The following CUX2 variants were observed in gnomAD, a reference collection of about 807,000 sequenced individuals.
CUX2 encodes cut like homeobox 2.
In CUX2, 40 loss-of-function variants were observed where a neutral mutation model predicts 144.8. The observed-to-expected ratio is 0.28, with a 90% confidence interval of 0.21 to 0.36. CUX2 has a LOEUF of 0.36. Among genes scored for constraint, CUX2 ranks in the 10% least tolerant of loss-of-function variants. The probability of loss-of-function intolerance (pLI) is 1.00; values close to 1 mark genes in which losing one functional copy is unlikely to be tolerated. For synonymous variants in CUX2, 827 were observed against 875.6 expected (o/e 0.94, Z 0.98); for missense variants, 1,615 against 1,994.0 (o/e 0.81, Z 3.62).
At chr12:111,047,856 T>C (rs1018082338) in intron 1 of CUX2, among the ~76,000 whole-genome samples, 1 of 152,122 alleles carries the variant, frequency 6.6e-6, no homozygotes, top group Admixed American at 6.5e-5. Context: ...GGGCCGCCTG[T>C]TTATTTAGGG....
intron 1 of CUX2, among the ~76,000 whole-genome samples, chr12:111,137,186 G>A (rs1013169292): frequency 2.0e-5 from 3 of 151,460 alleles, no homozygotes; most frequent in Non-Finnish European, 4.4e-5. Flanking sequence ...CCCCCTGCCT[G>A]GGCCTCCCAA....
In CUX2 at chr12:111,075,473, T is replaced by C. The variant is rs117823931; in HGVS notation, c.63+41233T>C. ...TGGGGTGGAGTCAAAGCGTCTAGGC[T>C]GTTTGCGATGGGATAAGCTGGGTGC... is the stretch of plus-strand genomic sequence containing the variant. On this transcript the variant is annotated intron_variant, in intron 1 of 21. Coordinates refer to ENST00000261726, the MANE Select transcript of CUX2 (RefSeq NM_015267.4). 1.8e-3 allele frequency among the ~76,000 whole-genome samples: 270 copies of C among 152,244 alleles called. 2 individuals carry two copies. In the East Asian group the frequency reaches 0.039, roughly 22 times the overall value.
At chr12:111,242,375 A>G (rs185488894) in intron 3 of CUX2, among the ~76,000 whole-genome samples, 2 of 152,378 alleles carry the variant, frequency 1.3e-5, no homozygotes, top group Admixed American at 6.5e-5. Context: ...ACAGCCATGC[A>G]CATTCGTTCA....
chr12:111,075,963 C>T (rs1871517242), intron 1 of CUX2, among the ~76,000 whole-genome samples: 2 of 152,130 alleles, frequency 1.3e-5, no homozygotes, highest in East Asian at 1.9e-4. Flanking sequence ...GCTAAGTGAA[C>T]CCTATGAGGT....
chr12:111,276,663 T>C (rs1335567825), intron 4 of CUX2, among the ~76,000 whole-genome samples: 1 of 152,100 alleles, frequency 6.6e-6, no homozygotes, highest in Non-Finnish European at 1.5e-5. Flanking sequence ...TTTTGTTTTG[T>C]TTTGTTTTGA....
intron 21 of CUX2, among the ~76,000 whole-genome samples, chr12:111,344,173 G>A (rs536802677): frequency 6.6e-6 from 1 of 152,332 alleles, no homozygotes; most frequent in South Asian, 2.1e-4. Context: ...TGGGGGATAT[G>A]GGGACATCTT....
At position 111,209,061 on chromosome 12, in the gene CUX2, G is replaced by C. The variant is rs79724556; in HGVS notation, c.64-5139G>C. On this transcript the variant is annotated intron_variant, in intron 1 of 21. Transcript: ENST00000261726. ...GGGTCCAAATCATCGTTACTTTTAG[G>C]GGGTACTGACAAGGAGAGAGTACTC... Among the ~76,000 whole-genome samples, 1,327 of 152,230 alleles carry C rather than the reference G, an allele frequency of 8.7e-3. 23 individuals are homozygous for C. The highest frequency in any genetic ancestry group is 0.03 in the African/African-American group (1,262 of 41,528).
chr12:111,080,941 T>A (rs1871851549), intron 1 of CUX2, among the ~76,000 whole-genome samples: 1 of 152,242 alleles, frequency 6.6e-6, no homozygotes, highest in African/African-American at 2.4e-5. Flanking sequence ...GTGGAGACGC[T>A]GCTGATAATA....
At chr12:111,252,746 T>C (rs1184809621) in intron 3 of CUX2, among the ~76,000 whole-genome samples, 2 of 150,732 alleles carry the variant, frequency 1.3e-5, no homozygotes, top group Non-Finnish European at 3.0e-5. Flanking sequence ...AAAATGTTAA[T>C]GTCATAGCAG....
chr12:111,121,950 AATC>A, intron 1 of CUX2, among the ~76,000 whole-genome samples: 1 of 152,030 alleles, frequency 6.6e-6, no homozygotes, highest in East Asian at 1.9e-4. Flanking sequence ...CTCAAAAACA[AATC>A]ATTCCTAGGA....
chr12:111,201,292 C>G (rs557559667), intron 1 of CUX2, among the ~76,000 whole-genome samples: 1 of 152,184 alleles, frequency 6.6e-6, no homozygotes, highest in African/African-American at 2.4e-5. Flanking sequence ...CTTGCCCGCA[C>G]GGTTCCCTGC....
rs190358496 is a variant in CUX2, at chr12:111,250,950, A to G, written c.223-12811A>G. On this transcript the variant is annotated intron_variant, in intron 3 of 21. Coordinates refer to ENST00000261726, the MANE Select transcript of CUX2 (RefSeq NM_015267.4). ...TTCTGCCCTGGTCTCATCTCCATAT[A>G]TGACCATACAAAGAATTGATACTGC... 2.6e-5 allele frequency among the ~76,000 whole-genome samples: 4 copies of G among 152,280 alleles called. No individual in the cohort carries two copies. The East Asian group carries it at 5.8e-4, about 22-fold the overall frequency.
chr12:111,344,663 T>C (rs1215752449), intron 21 of CUX2, among the ~76,000 whole-genome samples: 1 of 152,102 alleles, frequency 6.6e-6, no homozygotes. Flanking sequence ...GGTCACCTTT[T>C]TGGAGGGATT....
At chr12:111,152,250 A>G (rs1276892037) in intron 1 of CUX2, among the ~76,000 whole-genome samples, 1 of 152,072 alleles carries the variant, frequency 6.6e-6, no homozygotes, top group Non-Finnish European at 1.5e-5. Flanking sequence ...ATGCCTCTGC[A>G]CTCCAGCCTG....
intron 9 of CUX2, among the ~76,000 whole-genome samples, chr12:111,298,932 A>T (rs954360322): frequency 7.2e-5 from 11 of 152,194 alleles, no homozygotes; most frequent in Admixed American, 3.9e-4. Context: ...CTAAGACCCA[A>T]AGAATAAATG....
intron 1 of CUX2, among the ~76,000 whole-genome samples, chr12:111,197,809 A>AATAT: frequency 6.6e-6 from 1 of 152,202 alleles, no homozygotes; most frequent in Non-Finnish European, 1.5e-5. Context: ...AGGTTCACAC[A>AATAT]GTGAAATAAC....
chr12:111,121,974 C>T (rs879544349), intron 1 of CUX2, among the ~76,000 whole-genome samples: 11 of 151,924 alleles, frequency 7.2e-5, no homozygotes, highest in Admixed American at 5.2e-4. Context: ...GGTTAAATTC[C>T]GTTTCCACAG....
Position 111,349,926 on chromosome 12 carries a change from A to C in CUX2, c.*1601A>C, listed in dbSNP as rs1167814206. On this transcript the variant is annotated 3_prime_UTR_variant, in exon 22 of 22. Coordinates refer to ENST00000261726, the MANE Select transcript of CUX2 (RefSeq NM_015267.4). ...TAGCATTTTGAAACCATATGGGCAA[A>C]ACCCGGCAACCAGAAGGGGACAGAT... The C allele has an allele frequency of 6.6e-6, 1 of 152,352 alleles. No homozygotes were observed. The highest frequency in any genetic ancestry group is 1.5e-5 in the Non-Finnish European group (1 of 68,024). The allele number at this position is 152,352 out of a possible 1,614,324, so 9.4% of individuals were successfully genotyped here.
At chr12:111,063,899 G>T (rs2136023738) in intron 1 of CUX2, among the ~76,000 whole-genome samples, 1 of 152,320 alleles carries the variant, frequency 6.6e-6, no homozygotes, top group East Asian at 1.9e-4. Context: ...GTAAATGTGT[G>T]TTTACGCTGT....
Sources: gnomAD v4.1 joint callset for allele counts (sites outside exome capture counted in the v4.1 genomes callset) on GRCh38, gnomAD v4.1.1 for gene constraint, MANE v1.5 for transcripts, NCBI Gene and HGNC (gene_info 2026-07-23, HGNC 2026-07-21) for gene names.